Variants in GRIP1 observed in about 807,000 individuals in gnomAD.
GRIP1 encodes glutamate receptor-interacting protein 1.
Under a neutral mutation model 129.9 loss-of-function variants are expected in GRIP1, and 45 were observed. The ratio of observed to expected loss-of-function variants is 0.35; its 90% CI spans 0.27 to 0.44. GRIP1 has a LOEUF of 0.44. GRIP1 is among the 20% of genes least tolerant of loss of function. The probability of loss-of-function intolerance (pLI) is 1.00; values close to 1 mark genes in which losing one functional copy is unlikely to be tolerated. For synonymous variants in GRIP1, 530 were observed against 520.8 expected (o/e 1.02, Z -0.24); for missense variants, 1,196 against 1,396.8 (o/e 0.86, Z 2.29).
rs148424493 is a variant in GRIP1 at position 66,638,338 on chromosome 12, T to C, written c.55+40512A>G. Reference sequence around the variant, plus strand: ...ATTTATCACTTTATTTAATCTGCAATATATACCCTTGATAGGTATTACTTC... The same window carrying C: ...ATTTATCACTTTATTTAATCTGCAACATATACCCTTGATAGGTATTACTTC... On this transcript the variant is annotated intron_variant, in intron 1 of 24. Transcript: ENST00000359742. Among the ~76,000 whole-genome samples, 5 of 152,332 alleles carry C rather than the reference T, an allele frequency of 3.3e-5. No homozygotes were observed. The East Asian group carries it at 9.6e-4, about 29-fold the overall frequency.
chr12:66,871,440 T>C (rs1402031608), intron 1 of GRIP1, among the ~76,000 whole-genome samples: 2 of 152,128 alleles, frequency 1.3e-5, no homozygotes, highest in African/African-American at 2.4e-5. Flanking sequence ...CTGCAACTTA[T>C]TAGTTTTATG....
intron 1 of GRIP1, among the ~76,000 whole-genome samples, chr12:66,980,361 C>G (rs2042225658): frequency 6.6e-6 from 1 of 152,082 alleles, no homozygotes; most frequent in Non-Finnish European, 1.5e-5. Flanking sequence ...ACCTGTAATC[C>G]CAGCACCTTG....
At chr12:66,986,915 T>G (rs1187524035) in intron 1 of GRIP1, among the ~76,000 whole-genome samples, 2 of 151,734 alleles carry the variant, frequency 1.3e-5, no homozygotes, top group African/African-American at 4.8e-5. Context: ...ACATTTGGAA[T>G]TCCTACTAGA....
intron 1 of GRIP1, among the ~76,000 whole-genome samples, chr12:66,836,310 G>A (rs772137641): frequency 1.3e-5 from 2 of 152,130 alleles, no homozygotes; most frequent in African/African-American, 2.4e-5. Context: ...CCCTCAAGAA[G>A]ATGCCTGCTT....
intron 1 of GRIP1, among the ~76,000 whole-genome samples, chr12:66,863,862 A>T (rs1453271319): frequency 6.6e-6 from 1 of 152,164 alleles, no homozygotes; most frequent in East Asian, 1.9e-4. Context: ...TCACAGACCC[A>T]TAGCAGTTCT....
intron 10 of GRIP1, 116 bp downstream of exon 10, chr12:66,456,071 T>C (rs901649417): frequency 7.5e-6 from 4 of 530,330 alleles, no homozygotes; most frequent in Non-Finnish European, 9.6e-6. Context: ...AAATGATAAA[T>C]TGCTACTATA....
At chr12:66,527,598 ACACCAACATGG>A (rs1180900038) in intron 5 of GRIP1, among the ~76,000 whole-genome samples, 1 of 152,154 alleles carries the variant, frequency 6.6e-6, no homozygotes, top group East Asian at 1.9e-4. Flanking sequence ...TGGATGCAGC[ACACCAACATGG>A]CACATGTATA....
intron 23 of GRIP1, among the ~76,000 whole-genome samples, chr12:66,362,448 C>T (rs571942281): frequency 1.3e-5 from 2 of 151,842 alleles, no homozygotes; most frequent in East Asian, 1.9e-4. Flanking sequence ...TCACCGCGCC[C>T]AGCCTTCAAT....
chr12:66,786,930 C>A (rs902614241), intron 1 of GRIP1, among the ~76,000 whole-genome samples: 7 of 152,148 alleles, frequency 4.6e-5, no homozygotes, highest in Admixed American at 4.6e-4. Context: ...CCACAGCTGA[C>A]CCTCAGGTCT....
At chr12:66,800,884 C>T (rs988679881) in intron 1 of GRIP1, among the ~76,000 whole-genome samples, 39 of 152,000 alleles carry the variant, frequency 2.6e-4, no homozygotes, top group Middle Eastern at 6.8e-3. Flanking sequence ...AATGCAGTCT[C>T]GGATTTACAA....
chr12:66,832,358 A>T (rs1433708948), intron 1 of GRIP1, among the ~76,000 whole-genome samples: 3 of 152,210 alleles, frequency 2.0e-5, no homozygotes, highest in Non-Finnish European at 4.4e-5. Context: ...ATAAAATGCT[A>T]TCTACGACCC....
intron 8 of GRIP1, among the ~76,000 whole-genome samples, chr12:66,464,502 AT>A (rs1365291165): frequency 2.0e-5 from 3 of 152,186 alleles, no homozygotes; most frequent in East Asian, 1.9e-4. Context: ...TGTTTTATTT[AT>A]TTAAGAAACA....
At chr12:66,707,002 G>A (rs750010477) in intron 1 of GRIP1, among the ~76,000 whole-genome samples, 3 of 151,150 alleles carry the variant, frequency 2.0e-5, no homozygotes, top group Non-Finnish European at 3.0e-5. Context: ...AAGAAATAAA[G>A]GAATAAAAAG....
chr12:66,961,347 G>C (rs977402040), intron 1 of GRIP1, among the ~76,000 whole-genome samples: 56 of 151,752 alleles, frequency 3.7e-4, no homozygotes, highest in African/African-American at 1.3e-3. Context: ...GGGGAATTTG[G>C]GTAGGAAAAA....
intron 1 of GRIP1, among the ~76,000 whole-genome samples, chr12:66,738,184 G>A (rs1486523840): frequency 1.3e-5 from 2 of 151,908 alleles, no homozygotes; most frequent in Non-Finnish European, 2.9e-5. Flanking sequence ...GAACATGGGA[G>A]CCTGGCAAGT....
chr12:66,744,746 C>T (rs553086981), intron 1 of GRIP1, among the ~76,000 whole-genome samples: 2 of 152,232 alleles, frequency 1.3e-5, no homozygotes, highest in African/African-American at 4.8e-5. Flanking sequence ...CCCAGTGCCG[C>T]CCAGCCTTTG....
chr12:66,603,042 T>C (rs1280358700), intron 1 of GRIP1, among the ~76,000 whole-genome samples: 1 of 151,490 alleles, frequency 6.6e-6, no homozygotes, highest in Non-Finnish European at 1.5e-5. Flanking sequence ...TTATTTTTTA[T>C]AGAGGCTAGG....
rs185547644 is a variant in GRIP1, at chr12:66,615,730, C to T, written c.56-18803G>A. 4.5e-4 allele frequency among the ~76,000 whole-genome samples: 68 copies of T among 152,258 alleles called. No homozygotes were observed. In the East Asian group the frequency reaches 0.012, roughly 26 times the overall value. ...TGTGATCTCAGTTCATTGCAACTTTCGCCTCCTGGGTTCAAGCGATTCTCC... is the reference window on the plus strand; with the variant it reads ...TGTGATCTCAGTTCATTGCAACTTTTGCCTCCTGGGTTCAAGCGATTCTCC... On this transcript the variant is annotated intron_variant, in intron 1 of 24. Coordinates refer to ENST00000359742, the MANE Select transcript of GRIP1 (RefSeq NM_001366722.1).
intron 19 of GRIP1, among the ~76,000 whole-genome samples, chr12:66,391,793 A>G (rs1408925112): frequency 6.6e-6 from 1 of 152,156 alleles, no homozygotes; most frequent in Non-Finnish European, 1.5e-5. Context: ...TGAGACTATA[A>G]TGAACTATGA....
Sources: allele counts gnomAD v4.1 joint callset (sites outside exome capture counted in the v4.1 genomes callset), GRCh38; gene constraint gnomAD v4.1.1; transcripts MANE v1.5; gene names NCBI Gene and HGNC (gene_info 2026-07-23, HGNC 2026-07-21).